Variants in ATP8B3 observed in about 807,000 individuals in gnomAD.
The protein encoded by ATP8B3 is ATPase phospholipid transporting 8B3.
Under a neutral mutation model 140.9 loss-of-function variants are expected in ATP8B3, and 141 were observed. That is an observed-to-expected ratio of 1.00 (90% CI 0.87 to 1.15). ATP8B3 has a LOEUF of 1.15. ATP8B3 is among the 50% of genes most tolerant of loss of function. The probability of loss-of-function intolerance (pLI) is 0.00; values close to 1 mark genes in which losing one functional copy is unlikely to be tolerated. For missense variants in ATP8B3, 1,874 were observed against 1,740.6 expected (o/e 1.08, Z -1.36); for synonymous variants, 765 against 714.6 (o/e 1.07, Z -1.13).
At chr19:1,799,764 CAA>C (rs752768896) in intron 14 of ATP8B3, 181 bp downstream of exon 14, 1,252 of 568,152 alleles carry the variant, frequency 2.2e-3, no homozygotes, top group South Asian at 4.2e-3. Flanking sequence ...GACTCTGCCT[CAA>C]AAAAAAAAAA....
chr19:1,811,788 G>T lies in ATP8B3; in HGVS notation c.-52C>A. Reference sequence around the variant, plus strand: ...AGGGCGAAGAGGGGTTTAGGCTGTGGGACGGGGGAGAGGTGGGGGAGACCC... The same window carrying T: ...AGGGCGAAGAGGGGTTTAGGCTGTGTGACGGGGGAGAGGTGGGGGAGACCC... On this transcript the variant is annotated 5_prime_UTR_variant, in exon 2 of 29. Coordinates refer to ENST00000310127, the MANE Select transcript of ATP8B3 (RefSeq NM_138813.4). 1 of 1,519,714 alleles carries T rather than the reference G, an allele frequency of 6.6e-7. No individual in the cohort carries two copies. The allele number at this position is 1,519,714 out of a possible 1,614,324, so 94.1% of individuals were successfully genotyped here.
At position 1,806,065 on chromosome 19, in the gene ATP8B3, G is replaced by T. The variant is rs752172688; in HGVS notation, c.750+32C>A. ...GGTGCTCTCGGTGAGGGGGCGCGTG[G>T]TTCTGGGACCTCGGGGTCAACCCCA... On this transcript the variant is annotated intron_variant, in intron 8 of 28. Coordinates refer to ENST00000310127, the MANE Select transcript of ATP8B3 (RefSeq NM_138813.4). The surrounding 1 kb of genome is among the most constrained non-coding windows in gnomAD (Gnocchi z 5.6). 3 of 1,602,918 alleles carry T rather than the reference G, an allele frequency of 1.9e-6. No individual in the cohort carries two copies. Among genetic ancestry groups the T allele is most frequent in the Non-Finnish European group, 2.6e-6 (3 of 1,175,446 alleles).
chr19:1,797,016 A>G lies in ATP8B3; in HGVS notation c.1553-11T>C, dbSNP rs776650043. 1.9e-6 allele frequency: 3 copies of G among 1,613,008 alleles called. No homozygotes were observed. Among genetic ancestry groups the G allele is most frequent in the Admixed American group, 1.7e-5 (1 of 60,008 alleles). On this transcript the variant is annotated splice_polypyrimidine_tract_variant and intron_variant, in intron 14 of 28. Transcript: ENST00000310127. Reference sequence around the variant, plus strand: ...CCTCTGAATCCGGCCCTGGGGAAAGACACAGCTTCCTGCTTCAGCTCCCAC... The same window carrying G: ...CCTCTGAATCCGGCCCTGGGGAAAGGCACAGCTTCCTGCTTCAGCTCCCAC...
chr19:1,808,141 A>G, intron 5 of ATP8B3, 81 bp downstream of exon 5: 1 of 1,182,962 alleles, frequency 8.5e-7, no homozygotes, highest in Non-Finnish European at 1.2e-6. Context: ...GTGGGACGTG[A>G]ACCCACCCAT....
In ATP8B3 at chr19:1,794,131, G is replaced by A. The variant is rs778855048; in HGVS notation, c.2055+1744C>T. On this transcript the variant is annotated intron_variant, in intron 18 of 28. Coordinates refer to ENST00000310127, the MANE Select transcript of ATP8B3 (RefSeq NM_138813.4). The surrounding 1 kb of genome is among the most constrained non-coding windows in gnomAD (Gnocchi z 4.8). The stretch of plus-strand genomic sequence containing the variant: ...TAGCCTCCACCTCCTGCACTCAAGC[G>A]ATCCTCCTGCCTCAGGCTCCCAAAG... 7.9e-5 allele frequency among the ~76,000 whole-genome samples: 12 copies of A among 152,152 alleles called. 1 individual carries two copies. The highest frequency in any genetic ancestry group is 2.4e-4 in the African/African-American group (10 of 41,438).
chr19:1,791,650 C>A (rs1162979074), intron 20 of ATP8B3, 100 bp downstream of exon 20: 3 of 933,644 alleles, frequency 3.2e-6, no homozygotes, highest in Non-Finnish European at 5.0e-6. Context: ...GCCTCGGCCT[C>A]CCAAAGTGCT....
chr19:1,789,246 G>A (rs2068408778), intron 23 of ATP8B3, 115 bp downstream of exon 23: 3 of 981,338 alleles, frequency 3.1e-6, no homozygotes, highest in Non-Finnish European at 4.2e-6. Context: ...CAGTCCCACC[G>A]CCGCCTCCAT....
At chr19:1,797,138 AC>A in intron 14 of ATP8B3, 133 bp from the exon 15 acceptor site, 1 of 1,389,020 alleles carries the variant, frequency 7.2e-7, no homozygotes, top group South Asian at 1.2e-5. Context: ...TGGCCCTGGA[AC>A]CGACACCCCG....
At chr19:1,809,492 A>AT in intron 4 of ATP8B3, 151 bp downstream of exon 4, 2 of 691,600 alleles carry the variant, frequency 2.9e-6, no homozygotes, top group Middle Eastern at 2.9e-4. Flanking sequence ...AAAAAAAAAA[A>AT]GAAAGAAAGA....
chr19:1,789,276 C>T (rs1310495894), intron 23 of ATP8B3, 85 bp downstream of exon 23: 2 of 1,387,972 alleles, frequency 1.4e-6, no homozygotes, highest in Non-Finnish European at 1.9e-6. Context: ...CCTCACCTGC[C>T]CCAGGTCCCC....
intron 18 of ATP8B3, 144 bp from the exon 19 acceptor site, chr19:1,792,279 A>T (rs1374072885): frequency 2.0e-6 from 2 of 1,018,350 alleles, no homozygotes; most frequent in African/African-American, 3.3e-5. Flanking sequence ...GCCAGAAGGG[A>T]TTCAGAAAAC....
In ATP8B3 at chr19:1,811,652, C is replaced by T. The variant is rs1259812066; in HGVS notation, c.85G>A (p.Gly29Ser). 6.2e-7 allele frequency: 1 copy of T among 1,610,976 alleles called. No homozygotes were observed. Among genetic ancestry groups the T allele is most frequent in the East Asian group, 2.2e-5 (1 of 44,870 alleles). The change falls in exon 2 of 29, where the codon GGT becomes AGT. Residue 29 changes from glycine (G) to serine (S), a missense_variant. Gly to Ser is a moderately conservative substitution (Grantham distance 56, BLOSUM62 0). Around this residue, in one of 3 missense-constraint regions of ATP8B3, gnomAD observed 1,032 missense variants for 963.6 expected, o/e 1.07. Transcript: ENST00000310127. ...SPAPPGPGDT[G>S]DSDVTQEGSG... ...CCTTCCTGAGTCACGTCTGAGTCAC[C>T]CGTGTCCCCAGGTCCTGGTGGGGCA...
In ATP8B3 at chr19:1,800,112, C is replaced by T. The variant is rs2068797001; in HGVS notation, c.1387G>A (p.Asp463Asn). ...TGCGGCTTGTAGTACATCTGCACGT[C>T]CCAGTCGATGAAGACGCTGTTCCCC... ...YLGNSVFIDWDVQMYYKPQDV... is the reference protein window; with the variant it reads ...YLGNSVFIDWNVQMYYKPQDV... The change falls in exon 14 of 29, where the codon GAC becomes AAC. Residue 463 changes from aspartate (D) to asparagine (N), a missense_variant. Transcript: ENST00000310127. This position sits in a 1 kb window ranked among gnomAD's most constrained non-coding sequence, Gnocchi z 4.4. 1 of 1,564,612 alleles carries T rather than the reference C, an allele frequency of 6.4e-7. No individual in the cohort carries two copies. The highest frequency in any genetic ancestry group is 8.7e-7 in the Non-Finnish European group (1 of 1,154,732).
rs2069012391 is a variant in ATP8B3, at chr19:1,806,203, C to G, written c.678-34G>C. On this transcript the variant is annotated intron_variant, in intron 7 of 28. Coordinates refer to ENST00000310127, the MANE Select transcript of ATP8B3 (RefSeq NM_138813.4). The surrounding 1 kb of genome is among the most constrained non-coding windows in gnomAD (Gnocchi z 5.6). ...AGAGGGGGTTGTGAAGGAGGCCCCTCCCTCTGCCAACCCTCCCCACACCGG... is the reference window on the plus strand; with the variant it reads ...AGAGGGGGTTGTGAAGGAGGCCCCTGCCTCTGCCAACCCTCCCCACACCGG... 1.3e-6 allele frequency: 2 copies of G among 1,559,496 alleles called. No homozygotes were observed. The highest frequency in any genetic ancestry group is 1.7e-6 in the Non-Finnish European group (2 of 1,153,518).
rs1412577917 is a variant in ATP8B3 at position 1,797,017 on chromosome 19, C to T, written c.1553-12G>A. On this transcript the variant is annotated splice_polypyrimidine_tract_variant and intron_variant, in intron 14 of 28. Transcript: ENST00000310127. ...CTCTGAATCCGGCCCTGGGGAAAGA[C>T]ACAGCTTCCTGCTTCAGCTCCCACA... is the stretch of plus-strand genomic sequence containing the variant. 1.9e-6 allele frequency: 3 copies of T among 1,613,078 alleles called. No homozygotes were observed. The highest frequency in any genetic ancestry group is 2.5e-6 in the Non-Finnish European group (3 of 1,179,818).
intron 11 of ATP8B3, 80 bp from the exon 12 acceptor site, chr19:1,802,124 C>G: frequency 1.0e-6 from 1 of 965,994 alleles, no homozygotes; most frequent in Non-Finnish European, 1.5e-6. Context: ...CATCCACCCA[C>G]TCCCCCACTC....
At chr19:1,802,407 A>AACCCCCCCCCCCCCCCCCCC in intron 11 of ATP8B3, 80 bp downstream of exon 11, 8 of 318,102 alleles carry the variant, frequency 2.5e-5, no homozygotes, top group Admixed American at 4.3e-5. Context: ...CCACCCACCT[A>AACCCCCCCCCCCCCCCCCCC]CCCACCCACC....
chr19:1,811,229 G>C (rs893843708), intron 2 of ATP8B3, among the ~76,000 whole-genome samples: 3 of 152,168 alleles, frequency 2.0e-5, no homozygotes, highest in Non-Finnish European at 4.4e-5. Flanking sequence ...ACCCCCCCAG[G>C]CTGGGCAGCA....
Position 1,806,849 on chromosome 19 carries a change from G to T in ATP8B3, c.616-160C>A, listed in dbSNP as rs1037231535. On this transcript the variant is annotated intron_variant, in intron 6 of 28. Coordinates refer to ENST00000310127, the MANE Select transcript of ATP8B3 (RefSeq NM_138813.4). This position sits in a 1 kb window ranked among gnomAD's most constrained non-coding sequence, Gnocchi z 5.6. ...TCTGCTCAGGGATCCCGGACGTGGG[G>T]GCCACTGGACCCACTGCTATTGGCG... Among the ~76,000 whole-genome samples the T allele has an allele frequency of 6.6e-6, 1 of 152,178 alleles. No homozygotes were observed. Among genetic ancestry groups the T allele is most frequent in the Non-Finnish European group, 1.5e-5 (1 of 68,024 alleles).
Sources: allele counts gnomAD v4.1 joint callset (sites outside exome capture counted in the v4.1 genomes callset), GRCh38; gene constraint gnomAD v4.1.1; regional missense constraint gnomAD v4.1.1; non-coding constraint Gnocchi (gnomAD v3.1); transcripts MANE v1.5; gene names NCBI Gene and HGNC (gene_info 2026-07-23, HGNC 2026-07-21).